The following MED12L variants were observed in gnomAD, a reference collection of about 807,000 sequenced individuals.
MED12L encodes mediator complex subunit 12L, also known as mediator of RNA polymerase II transcription subunit 12-like protein.
MED12L carries 60 observed loss-of-function variants against 281.3 expected under a neutral mutation model. The observed-to-expected ratio is 0.21, with a 90% CI of 0.17 to 0.26. The LOEUF (loss-of-function observed/expected upper bound fraction) is 0.26, where lower values mean the gene tolerates loss of function less well. Ranked by LOEUF, MED12L falls within the 10% of genes least tolerant of loss-of-function variation. MED12L has a pLI of 1.00. For synonymous variants in MED12L, 974 were observed against 987.2 expected (o/e 0.99, Z 0.25); for missense variants, 2,146 against 2,680.9 (o/e 0.80, Z 4.41).
rs930888307 is a variant in MED12L at position 151,350,052 on chromosome 3, T to A, written c.2251-7T>A. On this transcript the variant is annotated splice_region_variant and splice_polypyrimidine_tract_variant and intron_variant, in intron 16 of 44. Transcript: ENST00000687756. Reference sequence around the variant, plus strand: ...AAGAGTTTCAGAATGCATTTTCTGTTTTTCAGGATGAATCTTCAAGTCATG... The same window carrying A: ...AAGAGTTTCAGAATGCATTTTCTGTATTTCAGGATGAATCTTCAAGTCATG... The A allele has an allele frequency of 6.2e-7, 1 of 1,606,814 alleles. No individual in the cohort carries two copies. The highest frequency in any genetic ancestry group is 1.1e-5 in the South Asian group (1 of 90,370).
intron 16 of MED12L, among the ~76,000 whole-genome samples, chr3:151,346,313 T>G (rs1311381791): frequency 6.6e-6 from 1 of 152,196 alleles, no homozygotes; most frequent in Non-Finnish European, 1.5e-5. Flanking sequence ...CTATGGAAAT[T>G]TGTTTATTTG....
At chr3:151,248,688 A>G (rs183765318) in intron 16 of MED12L, among the ~76,000 whole-genome samples, 77 of 152,288 alleles carry the variant, frequency 5.1e-4, no homozygotes, top group African/African-American at 1.8e-3. Flanking sequence ...TACAAGGAAA[A>G]TTTAACTAGA....
intron 39 of MED12L, among the ~76,000 whole-genome samples, chr3:151,403,252 C>A (rs935915181): frequency 6.6e-6 from 1 of 152,104 alleles, no homozygotes; most frequent in Non-Finnish European, 1.5e-5. Flanking sequence ...TCATATACAT[C>A]TATGGTATAG....
In MED12L at chr3:151,238,129, A is replaced by AT. The variant is rs1733304405; in HGVS notation, c.2250+44469dup. On this transcript the variant is annotated intron_variant, in intron 16 of 44. Transcript: ENST00000687756. ...TGTCCTAAAGTTTAGAACAGTGCAC[A>AT]TTTTTTCTTTTTTCTTTTTCTTTTT... is the stretch of plus-strand genomic sequence containing the variant. Among the ~76,000 whole-genome samples, 3 of 112,674 alleles carry AT rather than the reference A, an allele frequency of 2.7e-5. No individual in the cohort carries two copies. The Admixed American group carries it at 2.8e-4, about 11-fold the overall frequency. The allele number at this position is 112,674 out of a possible 152,430, so 73.9% of individuals were successfully genotyped here. A position where few individuals can be genotyped will look rare whatever the true frequency, so the allele number is the denominator to read the frequency against.
At chr3:151,408,718 G>A (rs1716616087) in intron 39 of MED12L, among the ~76,000 whole-genome samples, 2 of 152,158 alleles carry the variant, frequency 1.3e-5, no homozygotes, top group African/African-American at 2.4e-5. Context: ...AAAATTTATC[G>A]ACTATATTCT....
chr3:151,309,070 T>C (rs1398810949), intron 16 of MED12L, among the ~76,000 whole-genome samples: 1 of 151,790 alleles, frequency 6.6e-6, no homozygotes, highest in African/African-American at 2.4e-5. Context: ...CTCACCCATA[T>C]GTAGTAAAAG....
intron 16 of MED12L, chr3:151,199,277 C>T: frequency 6.2e-7 from 1 of 1,613,958 alleles, no homozygotes; most frequent in Non-Finnish European, 8.5e-7. Flanking sequence ...TATAAAAGCC[C>T]AGGTTGCAAA....
intron 16 of MED12L, among the ~76,000 whole-genome samples, chr3:151,275,113 C>A (rs62283015): frequency 5.3e-5 from 8 of 152,046 alleles, no homozygotes; most frequent in African/African-American, 1.9e-4. Context: ...CATTTCCCAT[C>A]TGCTTGGTAT....
chr3:151,435,135 T>C lies in MED12L; in HGVS notation c.*2331T>C, dbSNP rs1719990146. 6.7e-6 allele frequency: 1 copy of C among 150,092 alleles called. No individual in the cohort carries two copies. The highest frequency in any genetic ancestry group is 2.4e-5 in the African/African-American group (1 of 40,862). The allele number at this position is 150,092 out of a possible 1,614,324, so 9.3% of individuals were successfully genotyped here. A position where few individuals can be genotyped will look rare whatever the true frequency, so the allele number is the denominator to read the frequency against. ...TTAAGATGGTCACAAGGTAAAGCCCTGTGGCAGAACCTGGTACTTTACCTT... is the reference window on the plus strand; with the variant it reads ...TTAAGATGGTCACAAGGTAAAGCCCCGTGGCAGAACCTGGTACTTTACCTT... On this transcript the variant is annotated 3_prime_UTR_variant, in exon 45 of 45. Coordinates refer to ENST00000687756, the MANE Select transcript of MED12L (RefSeq NM_001393769.1).
At position 151,086,964 on chromosome 3, in the gene MED12L, C is replaced by A. The variant is rs777425199; in HGVS notation, c.38C>A (p.Pro13Gln). ...AFGLLSYEQR[P>Q]LKRPRLGPPD... ...GGGCTTCTCAGCTATGAGCAGAGAC[C>A]GCTGAAGCGCCCCCGGCTCGGGCCG... Residue 13 changes from proline (P) to glutamine (Q), a missense_variant, in exon 2 of 45, where the codon CCG (proline) becomes CAG (glutamine). Coordinates refer to ENST00000687756, the MANE Select transcript of MED12L (RefSeq NM_001393769.1). 1.2e-6 allele frequency: 2 copies of A among 1,610,022 alleles called. No homozygotes were observed. The highest frequency in any genetic ancestry group is 1.7e-6 in the Non-Finnish European group (2 of 1,178,826).
chr3:151,261,798 C>A (rs1414013302), intron 16 of MED12L, among the ~76,000 whole-genome samples: 1 of 152,106 alleles, frequency 6.6e-6, no homozygotes, highest in Non-Finnish European at 1.5e-5. Flanking sequence ...GATCTTGGCG[C>A]ACTATAACCT....
intron 26 of MED12L, 72 bp downstream of exon 26, chr3:151,369,621 T>C: frequency 1.0e-6 from 1 of 975,180 alleles, no homozygotes; most frequent in Non-Finnish European, 1.5e-6. Flanking sequence ...ATTTTCAGGT[T>C]TAAATCTAGT....
intron 8 of MED12L, among the ~76,000 whole-genome samples, chr3:151,162,795 A>G (rs938565093): frequency 6.6e-6 from 1 of 152,204 alleles, no homozygotes; most frequent in Non-Finnish European, 1.5e-5. Context: ...GAATGGCACA[A>G]GAGCATAATG....
At position 151,413,188 on chromosome 3, in the gene MED12L, G is replaced by A; in HGVS notation, c.6190G>A (p.Asp2064Asn). ...GAGCCCTCTGGTGGGCGGGGGAATT[G>A]ATGCTGTGCTGACTTCTGCACATCC... ...QQSPLVGGGI[D>N]AVLTSAHPNL... The change falls in exon 42 of 45, where the codon GAT becomes AAT. Residue 2064 changes from aspartate (D) to asparagine (N), a missense_variant. Around this residue, in one of 9 missense-constraint regions of MED12L, gnomAD observed 496 missense variants for 512.0 expected, o/e 0.97. Coordinates refer to ENST00000687756, the MANE Select transcript of MED12L (RefSeq NM_001393769.1). The A allele has an allele frequency of 6.2e-7, 1 of 1,614,174 alleles. No individual in the cohort carries two copies. Among genetic ancestry groups the A allele is most frequent in the Non-Finnish European group, 8.5e-7 (1 of 1,180,004 alleles).
intron 16 of MED12L, among the ~76,000 whole-genome samples, chr3:151,263,321 G>C (rs1298264116): frequency 6.6e-6 from 1 of 152,180 alleles, no homozygotes; most frequent in Admixed American, 6.5e-5. Context: ...AAACTTGTGA[G>C]CATCTGTTTC....
intron 16 of MED12L, among the ~76,000 whole-genome samples, chr3:151,204,578 T>C (rs1726099689): frequency 6.6e-6 from 1 of 152,208 alleles, no homozygotes; most frequent in Non-Finnish European, 1.5e-5. Flanking sequence ...TCTTTTAAGA[T>C]ATGTATGCTT....
chr3:151,088,104 T>C (rs1576696928), intron 2 of MED12L, among the ~76,000 whole-genome samples: 1 of 152,338 alleles, frequency 6.6e-6, no homozygotes, highest in African/African-American at 2.4e-5. Context: ...AGACTTTCCT[T>C]TTGATAAGTG....
chr3:151,088,493 G>A (rs1424430487), intron 2 of MED12L, among the ~76,000 whole-genome samples: 1 of 152,206 alleles, frequency 6.6e-6, no homozygotes, highest in East Asian at 1.9e-4. Context: ...GGGATATTTT[G>A]TTGGTTGAAC....
chr3:151,192,457 G>A (rs956888568), intron 14 of MED12L, 93 bp from the exon 15 acceptor site: 36 of 904,024 alleles, frequency 4.0e-5, no homozygotes, highest in Non-Finnish European at 3.6e-5. Context: ...AAAAGACAGA[G>A]ATGGTTAAAA....
Sources: allele counts gnomAD v4.1 joint callset (sites outside exome capture counted in the v4.1 genomes callset), GRCh38; gene constraint gnomAD v4.1.1; regional missense constraint gnomAD v4.1.1; transcripts MANE v1.5; gene names NCBI Gene and HGNC (gene_info 2026-07-23, HGNC 2026-07-21).